GRID1: variants seen among roughly 807,000 people sequenced by gnomAD.
GRID1 encodes glutamate ionotropic receptor delta type subunit 1, also known as glutamate receptor ionotropic, delta-1.
A neutral mutation model predicts 98.0 loss-of-function variants in GRID1; 28 were observed. That is an observed-to-expected ratio of 0.29 (90% CI 0.21 to 0.39). GRID1 has a LOEUF of 0.39. Among genes scored for constraint, GRID1 ranks in the 10% least tolerant of loss-of-function variants. The pLI is 1.00. For synonymous variants in GRID1, 553 were observed against 538.5 expected (o/e 1.03, Z -0.37); for missense variants, 1,111 against 1,340.5 (o/e 0.83, Z 2.67).
intron 2 of GRID1, among the ~76,000 whole-genome samples, chr10:86,251,615 G>C (rs986221693): frequency 1.3e-5 from 2 of 152,116 alleles, no homozygotes; most frequent in African/African-American, 4.8e-5. Context: ...TGGGATCAGG[G>C]CTGGGCACTG....
intron 5 of GRID1, among the ~76,000 whole-genome samples, chr10:85,880,904 T>A (rs1308738631): frequency 6.6e-6 from 1 of 152,218 alleles, no homozygotes; most frequent in African/African-American, 2.4e-5. Flanking sequence ...CTCCTTAAGC[T>A]GATAAGCAAC....
rs532671051 is a variant in GRID1 at position 85,647,480 on chromosome 10, C to T, written c.1998-83G>A. On this transcript the variant is annotated intron_variant, in intron 12 of 15. Transcript: ENST00000327946. The stretch of plus-strand genomic sequence containing the variant: ...GATACAAATGGGCTGCAAGGCCCTT[C>T]TGAACTCCAAGCCCGGCATGGCCCA... 228 of 1,068,564 alleles carry T rather than the reference C, an allele frequency of 2.1e-4. No individual in the cohort carries two copies. In the African/African-American group the frequency reaches 3.2e-3, roughly 15 times the overall value. 66.2% of individuals were successfully genotyped at this position (1,068,564 alleles called of 1,614,324 possible).
At chr10:85,795,110 C>G (rs907555800) in intron 8 of GRID1, among the ~76,000 whole-genome samples, 1 of 152,104 alleles carries the variant, frequency 6.6e-6, no homozygotes, top group African/African-American at 2.4e-5. Flanking sequence ...GGATATGGAT[C>G]GAGAAATATA....
chr10:86,154,430 C>T (rs973493280), intron 3 of GRID1, among the ~76,000 whole-genome samples: 1 of 152,146 alleles, frequency 6.6e-6, no homozygotes, highest in African/African-American at 2.4e-5. Context: ...GCTCTGCCAC[C>T]TCCAGGAGAG....
At chr10:85,765,071 A>C (rs1300618304) in intron 8 of GRID1, among the ~76,000 whole-genome samples, 5 of 152,138 alleles carry the variant, frequency 3.3e-5, no homozygotes, top group African/African-American at 4.8e-5. Flanking sequence ...TGATGTATGA[A>C]TATATCCCAT....
At chr10:86,272,353 G>C (rs930596063) in intron 2 of GRID1, among the ~76,000 whole-genome samples, 2 of 152,158 alleles carry the variant, frequency 1.3e-5, no homozygotes, top group Non-Finnish European at 2.9e-5. Context: ...AGAACACTTA[G>C]TCAAGAAAAA....
chr10:86,029,954 T>C (rs190120163), intron 4 of GRID1, among the ~76,000 whole-genome samples: 19 of 152,348 alleles, frequency 1.2e-4, no homozygotes, highest in Admixed American at 4.6e-4. Flanking sequence ...CTTGCAGGAA[T>C]TGCTATACTT....
intron 4 of GRID1, among the ~76,000 whole-genome samples, chr10:86,019,311 G>A (rs1311495059): frequency 6.6e-6 from 1 of 152,212 alleles, no homozygotes; most frequent in Non-Finnish European, 1.5e-5. Context: ...CTCTGCACAG[G>A]CATGTGCCCC....
In GRID1 at chr10:86,273,523, C is replaced by CCACCAACTAGTTTA. The variant is rs1274579208; in HGVS notation, c.236-66876_236-66875insTAAACTAGTTGGTG. 2.7e-5 allele frequency among the ~76,000 whole-genome samples: 4 copies of CCACCAACTAGTTTA among 150,394 alleles called. No homozygotes were observed. In the East Asian group the frequency reaches 5.8e-4, roughly 22 times the overall value. ...ACAATGGTTGAACTAGTTTACAGTC[C>CCACCAACTAGTTTA]CACCAACAGTGTAAAAGTGTTCCTA... On this transcript the variant is annotated intron_variant, in intron 2 of 15. Coordinates refer to ENST00000327946, the MANE Select transcript of GRID1 (RefSeq NM_017551.3).
At chr10:86,322,428 T>C (rs1238756098) in intron 2 of GRID1, among the ~76,000 whole-genome samples, 7 of 152,186 alleles carry the variant, frequency 4.6e-5, no homozygotes, top group African/African-American at 1.7e-4. Flanking sequence ...GTTGTTGTTG[T>C]TGTGACAGAT....
chr10:85,613,308 A>T, intron 15 of GRID1, 99 bp downstream of exon 15: 2 of 1,161,664 alleles, frequency 1.7e-6, no homozygotes, highest in Non-Finnish European at 2.4e-6. Flanking sequence ...AAGATGACTC[A>T]GGTAAATACT....
At chr10:86,097,633 C>T (rs1844240200) in intron 4 of GRID1, among the ~76,000 whole-genome samples, 1 of 151,396 alleles carries the variant, frequency 6.6e-6, no homozygotes, top group African/African-American at 2.4e-5. Context: ...TAGAAAAATG[C>T]CCAGGATATA....
chr10:86,232,741 T>C (rs1179850694), intron 2 of GRID1, among the ~76,000 whole-genome samples: 2 of 152,230 alleles, frequency 1.3e-5, no homozygotes, highest in Non-Finnish European at 2.9e-5. Context: ...TCCATCTTCC[T>C]TGCAGTCTTT....
At chr10:85,907,443 C>T (rs948255459) in intron 5 of GRID1, among the ~76,000 whole-genome samples, 11 of 152,054 alleles carry the variant, frequency 7.2e-5, no homozygotes, top group East Asian at 5.8e-4. Context: ...TTAGATGAAA[C>T]GGAAAAATTT....
At chr10:86,097,642 T>C (rs190825646) in intron 4 of GRID1, among the ~76,000 whole-genome samples, 44 of 151,018 alleles carry the variant, frequency 2.9e-4, no homozygotes, top group Admixed American at 2.8e-3. Context: ...GCCCAGGATA[T>C]ATAGCTAAAT....
At position 85,788,148 on chromosome 10, in the gene GRID1, G is replaced by A. The variant is rs771383955; in HGVS notation, c.1234-58534C>T. Among the ~76,000 whole-genome samples, 61 of 152,060 alleles carry A rather than the reference G, an allele frequency of 4.0e-4. 1 individual carries two copies. The highest frequency in any genetic ancestry group is 4.6e-4 in the Non-Finnish European group (31 of 68,020). On this transcript the variant is annotated intron_variant, in intron 8 of 15. Transcript: ENST00000327946. ...GACACACAGCAGACACCAATTAAGA[G>A]CTGATGAATGAGGGGGAAAAAAAAT...
chr10:86,038,762 T>C (rs1385705868), intron 4 of GRID1, among the ~76,000 whole-genome samples: 1 of 152,236 alleles, frequency 6.6e-6, no homozygotes, highest in Non-Finnish European at 1.5e-5. Flanking sequence ...TTAACGTAAC[T>C]TTGTGCATGT....
At chr10:85,703,870 G>A (rs1841482855) in intron 12 of GRID1, among the ~76,000 whole-genome samples, 1 of 152,140 alleles carries the variant, frequency 6.6e-6, no homozygotes, top group African/African-American at 2.4e-5. Context: ...GGCTGGTACT[G>A]GTTGTTCCTT....
At chr10:85,887,869 T>C (rs1047711995) in intron 5 of GRID1, among the ~76,000 whole-genome samples, 4 of 152,166 alleles carry the variant, frequency 2.6e-5, no homozygotes, top group African/African-American at 9.7e-5. Flanking sequence ...ACTAAACGTC[T>C]TTCTACAACC....
Sources: gnomAD v4.1 joint callset for allele counts (sites outside exome capture counted in the v4.1 genomes callset) on GRCh38, gnomAD v4.1.1 for gene constraint, MANE v1.5 for transcripts, NCBI Gene and HGNC (gene_info 2026-07-23, HGNC 2026-07-21) for gene names.